Variants in CUEDC1 observed in about 807,000 individuals in gnomAD.
CUEDC1 encodes the protein CUE domain containing 1.
CUEDC1 carries 30 observed loss-of-function variants against 43.7 expected under a neutral mutation model. The ratio of observed to expected loss-of-function variants is 0.69; its 90% CI spans 0.51 to 0.93. The LOEUF is 0.93. CUEDC1 is among the 40% of genes least tolerant of loss of function. The pLI is 0.00. For missense variants in CUEDC1, 486 were observed against 549.0 expected, an observed-to-expected ratio of 0.89 and a Z score of 1.15; for synonymous variants, 223 against 223.6, an observed-to-expected ratio of 1.00 and a Z score of 0.02.
In CUEDC1 at chr17:57,874,197, G is replaced by A. The variant is rs79774895; in HGVS notation, c.465-480C>T. On this transcript the variant is annotated intron_variant, in intron 3 of 10. Transcript: ENST00000577830. Reference sequence around the variant, plus strand: ...TGCTGAGGAAGGGGCATATGGGGACGCCAGGATCCCTACAGAGGGTAAAGC... The same window carrying A: ...TGCTGAGGAAGGGGCATATGGGGACACCAGGATCCCTACAGAGGGTAAAGC... 3.5e-4 allele frequency among the ~76,000 whole-genome samples: 54 copies of A among 152,290 alleles called. No homozygotes were observed. In the East Asian group the frequency reaches 8.7e-3, roughly 24 times the overall value.
intron 1 of CUEDC1, among the ~76,000 whole-genome samples, chr17:57,917,976 C>T (rs749996778): frequency 6.6e-6 from 1 of 151,944 alleles, no homozygotes; most frequent in African/African-American, 2.4e-5. Flanking sequence ...CCTCAGTTTA[C>T]CCCCTCAACA....
intron 1 of CUEDC1, among the ~76,000 whole-genome samples, chr17:57,931,750 A>G (rs1370149205): frequency 1.3e-5 from 2 of 152,208 alleles, no homozygotes; most frequent in Admixed American, 6.5e-5. Context: ...TGTCCCAACC[A>G]AAGGTGTCTC....
intron 10 of CUEDC1, 93 bp from the exon 11 acceptor site, chr17:57,863,378 G>C (rs945146017): frequency 1.3e-5 from 2 of 152,272 alleles, no homozygotes; most frequent in Non-Finnish European, 2.9e-5. Flanking sequence ...AGTTTTGGGA[G>C]AAGTTACTAA....
intron 2 of CUEDC1, among the ~76,000 whole-genome samples, chr17:57,882,689 C>T (rs980935632): frequency 6.6e-6 from 1 of 152,170 alleles, no homozygotes; most frequent in Admixed American, 6.5e-5. Flanking sequence ...TCCTCCTCAG[C>T]CTACTCAATG....
At chr17:57,871,204 C>G in intron 6 of CUEDC1, 82 bp downstream of exon 6, 2 of 1,159,432 alleles carry the variant, frequency 1.7e-6, no homozygotes, top group Non-Finnish European at 2.6e-6. Context: ...ACCCTCCTCT[C>G]AAACTCCAAA....
At chr17:57,895,145 G>T (rs565945459) in intron 1 of CUEDC1, among the ~76,000 whole-genome samples, 1 of 152,298 alleles carries the variant, frequency 6.6e-6, no homozygotes, top group Non-Finnish European at 1.5e-5. Context: ...TCTACAAGGT[G>T]CATATTACTA....
rs560107612 is a variant in CUEDC1, at chr17:57,878,009, C to T, written c.464+1602G>A. On this transcript the variant is annotated intron_variant, in intron 3 of 10. Coordinates refer to ENST00000577830, the MANE Select transcript of CUEDC1 (RefSeq NM_001271875.2). ...CCACCCACTCATTCCCCACCTCCCA[C>T]TCCAGTACAGCCTGCCAGCTCCTGG... Among the ~76,000 whole-genome samples the T allele has an allele frequency of 2.0e-5, 3 of 152,258 alleles. No individual in the cohort carries two copies. The East Asian group carries it at 5.8e-4, about 29-fold the overall frequency.
In CUEDC1 at chr17:57,887,655, C is replaced by CTTTTTTTTTTT. The variant is rs3085786; in HGVS notation, c.-315-1787_-315-1777dup. Among the ~76,000 whole-genome samples the CTTTTTTTTTTT allele has an allele frequency of 2.4e-4, 14 of 58,032 alleles. 1 individual carries two copies. The highest frequency in any genetic ancestry group is 2.9e-4 in the Non-Finnish European group (10 of 33,974). The allele number at this position is 58,032 out of a possible 152,430, so 38.1% of individuals were successfully genotyped here. On this transcript the variant is annotated intron_variant, in intron 1 of 10. Coordinates refer to ENST00000577830, the MANE Select transcript of CUEDC1 (RefSeq NM_001271875.2). Reference sequence around the variant, plus strand: ...TACAGGTACACGCCACCACGCCTGGCTTTTTTTTTTTTTTTTTTTTTGTAT... The same window carrying CTTTTTTTTTTT: ...TACAGGTACACGCCACCACGCCTGGCTTTTTTTTTTTTTTTTTTTTTTTTTTTTTTTTGTAT...
At chr17:57,909,693 A>G (rs2143048947) in intron 1 of CUEDC1, among the ~76,000 whole-genome samples, 1 of 152,370 alleles carries the variant, frequency 6.6e-6, no homozygotes, top group East Asian at 1.9e-4. Context: ...TCAGAGGACC[A>G]GGCTCAGAAA....
chr17:57,935,392 CACACACACACACAA>C (rs1466608968), intron 1 of CUEDC1, among the ~76,000 whole-genome samples: 1 of 145,076 alleles, frequency 6.9e-6, no homozygotes, highest in Non-Finnish European at 1.5e-5. Context: ...CACACACACA[CACACACACACACAA>C]ACACACACAC....
At chr17:57,881,415 G>A (rs192133283) in intron 2 of CUEDC1, among the ~76,000 whole-genome samples, 1 of 152,350 alleles carries the variant, frequency 6.6e-6, no homozygotes, top group East Asian at 1.9e-4. Flanking sequence ...AGAGAACACT[G>A]TAAGCGCTGC....
chr17:57,933,770 C>T (rs570065510), intron 1 of CUEDC1, among the ~76,000 whole-genome samples: 4 of 152,204 alleles, frequency 2.6e-5, no homozygotes, highest in African/African-American at 9.6e-5. Context: ...TTCCCCAGGC[C>T]GACAGTGACT....
chr17:57,911,767 A>G (rs1275524852), intron 1 of CUEDC1, among the ~76,000 whole-genome samples: 1 of 152,054 alleles, frequency 6.6e-6, no homozygotes, highest in African/African-American at 2.4e-5. Context: ...TCTGCCTCCC[A>G]AACTGCTGGG....
chr17:57,889,768 T>C (rs898962419), intron 1 of CUEDC1, among the ~76,000 whole-genome samples: 2 of 152,200 alleles, frequency 1.3e-5, no homozygotes, highest in East Asian at 1.9e-4. Flanking sequence ...CACAGGACTC[T>C]ATAAGGTCTC....
chr17:57,920,014 G>A (rs1262809265), intron 1 of CUEDC1, among the ~76,000 whole-genome samples: 1 of 152,112 alleles, frequency 6.6e-6, no homozygotes, highest in Non-Finnish European at 1.5e-5. Context: ...CACAGGCCCC[G>A]GCTCATTTTG....
chr17:57,899,565 G>A (rs143504131), intron 1 of CUEDC1, among the ~76,000 whole-genome samples: 2 of 152,218 alleles, frequency 1.3e-5, no homozygotes, highest in Non-Finnish European at 2.9e-5. Flanking sequence ...CCTTGTATGG[G>A]CACATACAGC....
chr17:57,890,395 G>T (rs1273866927), intron 1 of CUEDC1, among the ~76,000 whole-genome samples: 1 of 152,214 alleles, frequency 6.6e-6, no homozygotes. Context: ...CCACCTCTCA[G>T]AACCCCAGCT....
Position 57,930,255 on chromosome 17 carries a change from C to T in CUEDC1, c.-316+24970G>A, listed in dbSNP as rs1246519043. On this transcript the variant is annotated intron_variant, in intron 1 of 10. Coordinates refer to ENST00000577830, the MANE Select transcript of CUEDC1 (RefSeq NM_001271875.2). The surrounding 1 kb of genome is among the most constrained non-coding windows in gnomAD (Gnocchi z 4.2). ...AGGGACCTGACTTTGGGTAGCAAGT[C>T]TCCAACTGCACAAGCAGACCAGAGC... Among the ~76,000 whole-genome samples, 2 of 152,202 alleles carry T rather than the reference C, an allele frequency of 1.3e-5. No individual in the cohort carries two copies. Among genetic ancestry groups the T allele is most frequent in the African/African-American group, 4.8e-5 (2 of 41,446 alleles).
chr17:57,889,799 T>C (rs2074336362), intron 1 of CUEDC1, among the ~76,000 whole-genome samples: 1 of 152,164 alleles, frequency 6.6e-6, no homozygotes, highest in African/African-American at 2.4e-5. Flanking sequence ...AGGCTGCCTA[T>C]AGTTAGAACC....
Sources: gnomAD v4.1 joint callset for allele counts (sites outside exome capture counted in the v4.1 genomes callset) on GRCh38, gnomAD v4.1.1 for gene constraint, Gnocchi (gnomAD v3.1) non-coding constraint, MANE v1.5 for transcripts, NCBI Gene and HGNC (gene_info 2026-07-23, HGNC 2026-07-21) for gene names.